MAPK7: variants seen among roughly 807,000 people sequenced by gnomAD.
MAPK7 encodes BMK-1.
In MAPK7, 30 loss-of-function variants were observed where a neutral mutation model predicts 56.9. The ratio of observed to expected loss-of-function variants is 0.53; its 90% confidence interval spans 0.39 to 0.72. The LOEUF (loss-of-function observed/expected upper bound fraction) is 0.72. Among genes scored for constraint, MAPK7 ranks in the 30% least tolerant of loss-of-function variants. The pLI is 0.00. For synonymous variants in MAPK7, 516 were observed against 449.3 expected, an observed-to-expected ratio of 1.15 and a Z score of -1.88; for missense variants, 952 against 1,110.8, an observed-to-expected ratio of 0.86 and a Z score of 2.03.
chr17:19,381,650 G>T lies in MAPK7; in HGVS notation c.1441G>T (p.Ala481Ser), dbSNP rs1428384185. 2.5e-6 allele frequency: 4 copies of T among 1,608,516 alleles called. No individual in the cohort carries two copies. In the African/African-American group the frequency reaches 5.3e-5, roughly 21 times the overall value. Residue 481 changes from alanine to serine, a missense_variant, in exon 4 of 7, where the codon GCT (alanine) becomes TCT (serine). Ala to Ser is a moderately conservative substitution (Grantham distance 99). Around this residue, in one of 5 missense-constraint regions of MAPK7, gnomAD observed 429 missense variants for 533.0 expected, o/e 0.80. Transcript: ENST00000395604. This position sits in a 1 kb window ranked among gnomAD's most constrained non-coding sequence, Gnocchi z 4.6. ...ISDNTKAALK[A>S]ALLKSLRSRL... ...AGACAATACTAAGGCTGCCCTTAAA[G>T]CTGCCCTGCTCAAGTCTTTGAGGAG...
intron 3 of MAPK7, chr17:19,380,330 A>G (rs1410814998): frequency 1.5e-6 from 1 of 671,836 alleles, no homozygotes; most frequent in Non-Finnish European, 2.2e-6. Flanking sequence ...GATAGCCCCA[A>G]AAGGAAACCT....
rs1228158783 is a variant in MAPK7, at chr17:19,379,129, A to G, written c.229A>G (p.Thr77Ala). Reference protein sequence around the residue: ...GVVSSARRRLTGQQVAIKKIP... With the variant: ...GVVSSARRRLAGQQVAIKKIP... Reference sequence around the variant, plus strand: ...GGTGTCCTCCGCCCGCCGCCGCCTCACCGGTGAGCTTCCTGAGCCGTCGCC... The same window carrying G: ...GGTGTCCTCCGCCCGCCGCCGCCTCGCCGGTGAGCTTCCTGAGCCGTCGCC... Residue 77 changes from threonine to alanine, a missense_variant, in exon 2 of 7, where the codon ACC becomes GCC. Around this residue, in one of 5 missense-constraint regions of MAPK7, gnomAD observed 213 missense variants for 243.2 expected, o/e 0.88. Transcript: ENST00000395604. The G allele has an allele frequency of 3.7e-6, 6 of 1,611,884 alleles. No individual in the cohort carries two copies. Among genetic ancestry groups the G allele is most frequent in the Non-Finnish European group, 5.1e-6 (6 of 1,179,474 alleles).
intron 2 of MAPK7, 103 bp from the exon 3 acceptor site, chr17:19,379,679 T>C: frequency 1.0e-6 from 1 of 1,004,308 alleles, no homozygotes; most frequent in South Asian, 1.5e-5. Context: ...ACTTGGTAGC[T>C]GTTGTCATTT....
chr17:19,377,860 T>C (rs1912229010), upstream of MAPK7: 22 of 985,174 alleles, frequency 2.2e-5, no homozygotes, highest in South Asian at 1.4e-4. Context: ...GGAAGATACC[T>C]AGAAGCCAGG....
At chr17:19,379,508 C>T (rs1912448489) in intron 2 of MAPK7, 1 of 560,746 alleles carries the variant, frequency 1.8e-6, no homozygotes. Flanking sequence ...TGAGCTACAC[C>T]ACTGGGCATC....
rs1484759429 is a variant in MAPK7, at chr17:19,382,158, C to A, written c.1855C>A (p.Gln619Lys). ...AGCCCAGCCCACTGGCCCGCAACCA[C>A]AATCTGCGGGCTCTACCTCTGGCCC... is the stretch of plus-strand genomic sequence containing the variant. Reference protein sequence around the residue: ...PVAQPTGPQPQSAGSTSGPVP... With the variant: ...PVAQPTGPQPKSAGSTSGPVP... The change falls in exon 5 of 7, where the codon CAA (glutamine) becomes AAA (lysine). Residue 619 changes from glutamine to lysine, a missense_variant. Transcript: ENST00000395604. 5 of 1,612,548 alleles carry A rather than the reference C, an allele frequency of 3.1e-6. No individual in the cohort carries two copies. The highest frequency in any genetic ancestry group is 3.4e-6 in the Non-Finnish European group (4 of 1,179,730).
At position 19,381,550 on chromosome 17, in the gene MAPK7, C is replaced by T. The variant is rs1419932395; in HGVS notation, c.1341C>T (p.Asp447=). 2 of 1,613,742 alleles carry T rather than the reference C, an allele frequency of 1.2e-6. No individual in the cohort carries two copies. Among genetic ancestry groups the T allele is most frequent in the East Asian group, 4.5e-5 (2 of 44,886 alleles). The change falls in exon 4 of 7, where the codon GAC becomes GAT. Residue 447 remains aspartate (D), a synonymous_variant. Coordinates refer to ENST00000395604, the MANE Select transcript of MAPK7 (RefSeq NM_002749.4). The surrounding 1 kb of genome is among the most constrained non-coding windows in gnomAD (Gnocchi z 4.6). ...APPPCPGPAP[D]TIDLTLQPPP... ...CACCATGCCCCGGCCCTGCACCTGA[C>T]ACCATTGATCTGACCCTGCAGCCAC...
chr17:19,382,029 G>A lies in MAPK7; in HGVS notation c.1726G>A (p.Ala576Thr). 1.3e-6 allele frequency: 2 copies of A among 1,562,534 alleles called. No homozygotes were observed. The highest frequency in any genetic ancestry group is 1.7e-6 in the Non-Finnish European group (2 of 1,153,734). The change falls in exon 5 of 7, where the codon GCC becomes ACC. Residue 576 changes from alanine to threonine, a missense_variant. Ala to Thr is a moderately conservative substitution (Grantham distance 58). This residue lies in a region of MAPK7 where 234 missense variants were observed against 210.4 expected (regional missense o/e 1.11). Transcript: ENST00000395604. The part of the protein sequence containing the change: ...RSLLERWTRM[A>T]RPAAPALTSV... ...CCTGTTGGAACGCTGGACTCGAATG[G>A]CCCGGCCCGCAGCCCCAGCCCTCAC...
intron 2 of MAPK7, 21 bp from the exon 3 acceptor site, chr17:19,379,761 T>TC: frequency 1.2e-6 from 2 of 1,612,300 alleles, no homozygotes; most frequent in Non-Finnish European, 1.7e-6. Context: ...CTCTGGTATG[T>TC]CCCTTTTCCC....
Position 19,383,434 on chromosome 17 carries a change from CT to C in MAPK7, c.*204del. ...CAGGATCGGGAGACCCCAACTCCCC[CT>C]GAACAATCCTTTTCAGTATTATATT... On this transcript the variant is annotated 3_prime_UTR_variant, in exon 7 of 7. Transcript: ENST00000395604. The C allele has an allele frequency of 1.0e-5, 5 of 488,724 alleles. No homozygotes were observed. Among genetic ancestry groups the C allele is most frequent in the Non-Finnish European group, 1.8e-5 (5 of 277,472 alleles). 30.3% of individuals were successfully genotyped at this position (488,724 alleles called of 1,614,324 possible). A position where few individuals can be genotyped will look rare whatever the true frequency, so the allele number is the denominator to read the frequency against.
chr17:19,382,864 G>A lies in MAPK7; in HGVS notation c.2215G>A (p.Ala739Thr). The change falls in exon 6 of 7, where the codon GCT becomes ACT. Residue 739 changes from alanine to threonine, a missense_variant. Physicochemically the swap from Ala to Thr is moderately conservative, Grantham distance 58. Transcript: ENST00000395604. ...CTCAGGCACACCAAAGGGCAGTGGG[G>A]CTGGCTACGGTGTTGGCTTTGACCT... ...VFSGTPKGSG[A>T]GYGVGFDLEE... 6.2e-7 allele frequency: 1 copy of A among 1,614,232 alleles called. No individual in the cohort carries two copies. Among genetic ancestry groups the A allele is most frequent in the Non-Finnish European group, 8.5e-7 (1 of 1,180,020 alleles).
Position 19,383,132 on chromosome 17 carries a change from C to CCATG in MAPK7, c.2353_2356dup (p.Gly786AlafsTer9). 1 of 1,614,090 alleles carries CCATG rather than the reference C, an allele frequency of 6.2e-7. No homozygotes were observed. Among genetic ancestry groups the CCATG allele is most frequent in the Non-Finnish European group, 8.5e-7 (1 of 1,180,010 alleles). The stretch of plus-strand genomic sequence containing the variant: ...CCCTGCTTGCTGACTGGCTCGAAGG[C>CCATG]CATGGCATGAACCCTGCCGATATTG... On this transcript the variant is annotated frameshift_variant, in exon 7 of 7. Transcript: ENST00000395604. LOFTEE classifies it high-confidence loss of function.
chr17:19,378,295 C>T (rs1382375076), upstream of MAPK7: 2 of 987,466 alleles, frequency 2.0e-6, no homozygotes, highest in East Asian at 2.3e-4. This position sits in a 1 kb window ranked among gnomAD's most constrained non-coding sequence, Gnocchi z 5.4. Flanking sequence ...GGGAGCACAC[C>T]CCTGCGAAGT....
intron 2 of MAPK7, chr17:19,379,409 G>A (rs1912436094): frequency 1.8e-6 from 1 of 570,148 alleles, no homozygotes; most frequent in Non-Finnish European, 3.1e-6. Flanking sequence ...GTCTAAGAGA[G>A]AAATGTGTTC....
Position 19,383,271 on chromosome 17 carries a change from T to C in MAPK7, c.*40T>C, listed in dbSNP as rs919053961. On this transcript the variant is annotated 3_prime_UTR_variant, in exon 7 of 7. Coordinates refer to ENST00000395604, the MANE Select transcript of MAPK7 (RefSeq NM_002749.4). ...GCCTTGCTGCCACAGTAGACCTAGT[T>C]CCAGGATCCATGGGAGCATTCTCAA... 7.5e-6 allele frequency: 12 copies of C among 1,607,120 alleles called. No homozygotes were observed. The highest frequency in any genetic ancestry group is 9.4e-6 in the Non-Finnish European group (11 of 1,175,528).
Position 19,381,502 on chromosome 17 carries a change from G to A in MAPK7, c.1293G>A (p.Met431Ile). ...GGGCTCCCAGTGGGGACTGTGCCAT[G>A]GAGTCTCCACCACCAGCCCCGCCAC... is the stretch of plus-strand genomic sequence containing the variant. ...SPWAPSGDCA[M>I]ESPPPAPPPC... The change falls in exon 4 of 7, where the codon ATG becomes ATA. Residue 431 changes from methionine to isoleucine, a missense_variant. Around this residue, in one of 5 missense-constraint regions of MAPK7, gnomAD observed 429 missense variants for 533.0 expected, o/e 0.80. Transcript: ENST00000395604. This position sits in a 1 kb window ranked among gnomAD's most constrained non-coding sequence, Gnocchi z 4.6. The A allele has an allele frequency of 1.2e-6, 2 of 1,613,766 alleles. No individual in the cohort carries two copies. Among genetic ancestry groups the A allele is most frequent in the African/African-American group, 1.3e-5 (1 of 75,046 alleles).
chr17:19,379,240 C>T, intron 2 of MAPK7, 108 bp downstream of exon 2: 1 of 961,622 alleles, frequency 1.0e-6, no homozygotes, highest in South Asian at 1.5e-5. Flanking sequence ...GTTCTGGCTC[C>T]AGTCAACACA....
Position 19,381,892 on chromosome 17 carries a change from A to C in MAPK7, c.1589A>C (p.Glu530Ala). The change falls in exon 5 of 7, where the codon GAG (glutamate) becomes GCG (alanine). Residue 530 changes from glutamate (E) to alanine (A), a missense_variant. Physicochemically the swap from Glu to Ala is moderately radical, Grantham distance 107. This residue lies in a region of MAPK7 where 429 missense variants were observed against 533.0 expected (regional missense o/e 0.80). Coordinates refer to ENST00000395604, the MANE Select transcript of MAPK7 (RefSeq NM_002749.4). The surrounding 1 kb of genome is among the most constrained non-coding windows in gnomAD (Gnocchi z 4.6). ...CGGAGGCGGCAAGAACGAGCCAAGG[A>C]GCGGGAGAAACGGCGGCAGGAGCGG... ...KRRRRQERAK[E>A]REKRRQERER... 1 of 1,566,506 alleles carries C rather than the reference A, an allele frequency of 6.4e-7. No individual in the cohort carries two copies. The highest frequency in any genetic ancestry group is 8.7e-7 in the Non-Finnish European group (1 of 1,155,252).
At position 19,381,141 on chromosome 17, in the gene MAPK7, C is replaced by T; in HGVS notation, c.932C>T (p.Thr311Ile). The T allele has an allele frequency of 6.2e-7, 1 of 1,614,006 alleles. No individual in the cohort carries two copies. Among genetic ancestry groups the T allele is most frequent in the Non-Finnish European group, 8.5e-7 (1 of 1,179,988 alleles). The change falls in exon 4 of 7, where the codon ACA becomes ATA. Residue 311 changes from threonine (T) to isoleucine (I), a missense_variant. Transcript: ENST00000395604. The surrounding 1 kb of genome is among the most constrained non-coding windows in gnomAD (Gnocchi z 4.6). ...CCACGCCAGCCTGTGCCCTGGGAGA[C>T]AGTGTACCCAGGTGCCGACCGCCAG... ...LPPRQPVPWETVYPGADRQAL... is the reference protein window; with the variant it reads ...LPPRQPVPWEIVYPGADRQAL...
Sources: allele counts gnomAD v4.1 joint callset, GRCh38; gene constraint gnomAD v4.1.1; regional missense constraint gnomAD v4.1.1; non-coding constraint Gnocchi (gnomAD v3.1); transcripts MANE v1.5; gene names NCBI Gene and HGNC (gene_info 2026-07-23, HGNC 2026-07-21).